ESR1: variants seen among roughly 807,000 people sequenced by gnomAD.
The protein encoded by ESR1 is estrogen receptor.
ESR1 carries 12 observed loss-of-function variants against 52.7 expected under a neutral mutation model. The observed-to-expected ratio is 0.23, with a 90% CI of 0.15 to 0.37. ESR1 has a LOEUF of 0.37. ESR1 is among the 10% of genes least tolerant of loss of function. ESR1 has a pLI of 1.00. For missense variants in ESR1, 584 were observed against 779.7 expected (o/e 0.75, Z 2.99); for synonymous variants, 305 against 316.8 (o/e 0.96, Z 0.39).
At chr6:151,729,243 C>T (rs1782066079) in intron 2 of ESR1, among the ~76,000 whole-genome samples, 1 of 152,126 alleles carries the variant, frequency 6.6e-6, no homozygotes, top group Non-Finnish European at 1.5e-5. Flanking sequence ...CAAGAGGGTG[C>T]CGTCTGTGAA....
At chr6:151,661,733 G>T (rs114567935) in intron 1 of ESR1, among the ~76,000 whole-genome samples, 2,814 of 152,226 alleles carry the variant, frequency 0.018, 82 homozygotes, top group African/African-American at 0.062. Flanking sequence ...TGGATCATGG[G>T]TGCAGTTTCT....
intron 2 of ESR1, among the ~76,000 whole-genome samples, chr6:151,771,716 T>C (rs1383061466): frequency 2.0e-5 from 3 of 152,218 alleles, no homozygotes; most frequent in Non-Finnish European, 2.9e-5. Context: ...GAACCGCAGT[T>C]ACCCCTGGGG....
At chr6:152,097,858 T>C (rs541081033) in intron 7 of ESR1, among the ~76,000 whole-genome samples, 2 of 152,244 alleles carry the variant, frequency 1.3e-5, no homozygotes, top group South Asian at 4.1e-4. Context: ...TGTGAGTGTG[T>C]GCACGTGTGT....
chr6:151,994,930 T>C (rs946925192), intron 4 of ESR1, among the ~76,000 whole-genome samples: 2 of 152,194 alleles, frequency 1.3e-5, no homozygotes, highest in African/African-American at 4.8e-5. Context: ...AATAAACTAA[T>C]CTTTATCAAT....
At chr6:151,944,691 A>G (rs544939856) in intron 4 of ESR1, among the ~76,000 whole-genome samples, 183 bp downstream of exon 4, 3 of 152,332 alleles carry the variant, frequency 2.0e-5, no homozygotes, top group African/African-American at 7.2e-5. Flanking sequence ...TTAGGAAATA[A>G]TATTTTTAAA....
At chr6:151,772,307 C>G (rs1480328267) in intron 2 of ESR1, among the ~76,000 whole-genome samples, 1 of 152,150 alleles carries the variant, frequency 6.6e-6, no homozygotes, top group Non-Finnish European at 1.5e-5. Flanking sequence ...CCAACATATG[C>G]ACCAATCTGA....
intron 6 of ESR1, among the ~76,000 whole-genome samples, chr6:152,085,654 A>G (rs936611678): frequency 1.3e-5 from 2 of 152,178 alleles, no homozygotes; most frequent in African/African-American, 4.8e-5. Flanking sequence ...ATAGGACACT[A>G]GACCTCTCAC....
At chr6:152,017,051 C>G (rs1480170081) in intron 5 of ESR1, among the ~76,000 whole-genome samples, 2 of 152,156 alleles carry the variant, frequency 1.3e-5, no homozygotes, top group Non-Finnish European at 2.9e-5. Context: ...AGGTCCCTTA[C>G]AAGACCATGA....
intron 6 of ESR1, among the ~76,000 whole-genome samples, chr6:152,081,485 G>A (rs1250267047): frequency 3.3e-5 from 5 of 151,982 alleles, no homozygotes; most frequent in Non-Finnish European, 7.4e-5. Flanking sequence ...AGTGTGTAGA[G>A]GGAAATTTAT....
intron 6 of ESR1, among the ~76,000 whole-genome samples, chr6:152,071,867 A>G (rs2048377661): frequency 6.6e-6 from 1 of 152,100 alleles, no homozygotes; most frequent in Non-Finnish European, 1.5e-5. Context: ...TACTTTGTAT[A>G]TGTTGCTAGA....
chr6:152,120,870 T>C (rs2673777), intron 6 of ESR1, among the ~76,000 whole-genome samples: 35,267 of 152,042 alleles, frequency 0.23, 4,255 homozygotes, highest in African/African-American at 0.3. Flanking sequence ...GGGCCTCAGT[T>C]TGGTTTAAAT....
intron 4 of ESR1, among the ~76,000 whole-genome samples, chr6:151,963,986 G>T (rs1370220184): frequency 2.0e-5 from 3 of 152,084 alleles, no homozygotes; most frequent in Admixed American, 1.3e-4. Context: ...TCTTACTTGT[G>T]CGGGTTTATT....
At chr6:151,890,376 C>T (rs554507238) in intron 3 of ESR1, among the ~76,000 whole-genome samples, 14 of 152,228 alleles carry the variant, frequency 9.2e-5, no homozygotes, top group African/African-American at 3.1e-4. Flanking sequence ...AGTGAGCCAC[C>T]GTGCCAGGCC....
intron 2 of ESR1, among the ~76,000 whole-genome samples, chr6:151,850,074 AAAAAAT>A (rs1562474379): frequency 3.9e-5 from 3 of 76,680 alleles, no homozygotes; most frequent in Non-Finnish European, 6.9e-5. Flanking sequence ...ATATATATAT[AAAAAAT>A]TATATATATA....
intron 2 of ESR1, among the ~76,000 whole-genome samples, chr6:151,852,980 T>A (rs1203880483): frequency 4.6e-5 from 7 of 151,608 alleles, no homozygotes. Context: ...GAGACCATCC[T>A]GGCCAACATG....
chr6:151,980,406 AG>A (rs1321709901), intron 4 of ESR1, among the ~76,000 whole-genome samples: 4 of 152,196 alleles, frequency 2.6e-5, no homozygotes, highest in Non-Finnish European at 5.9e-5. Flanking sequence ...CATCTGTTCA[AG>A]GACAATTTCT....
intron 2 of ESR1, among the ~76,000 whole-genome samples, chr6:151,779,830 G>A (rs1786366799): frequency 7.8e-6 from 1 of 128,860 alleles, no homozygotes; most frequent in South Asian, 2.3e-4. Flanking sequence ...AACCCGGGAG[G>A]CGGAGCTTGC....
At chr6:151,812,209 A>G (rs1778937702) in intron 1 of ESR1, among the ~76,000 whole-genome samples, 1 of 152,190 alleles carries the variant, frequency 6.6e-6, no homozygotes, top group African/African-American at 2.4e-5. Flanking sequence ...TTGTTAAGTG[A>G]GATTGTATAT....
intron 2 of ESR1, among the ~76,000 whole-genome samples, chr6:151,773,442 T>G (rs1785681918): frequency 6.6e-6 from 1 of 152,240 alleles, no homozygotes; most frequent in Admixed American, 6.5e-5. Context: ...ATGATTACAC[T>G]TTCTCATCTG....
Sources: gnomAD v4.1 joint callset for allele counts (sites outside exome capture counted in the v4.1 genomes callset) on GRCh38, gnomAD v4.1.1 for gene constraint, MANE v1.5 for transcripts, NCBI Gene and HGNC (gene_info 2026-07-23, HGNC 2026-07-21) for gene names.